The following SIDT2 variants were observed in gnomAD, a reference collection of about 807,000 sequenced individuals.
The protein encoded by SIDT2 is SID1 transmembrane family, member 2.
SIDT2 carries 68 observed loss-of-function variants against 114.4 expected under a neutral mutation model. The observed-to-expected ratio is 0.59, with a 90% CI of 0.49 to 0.73. The LOEUF (loss-of-function observed/expected upper bound fraction) is 0.73, where lower values mean the gene tolerates loss of function less well. Ranked by LOEUF, SIDT2 falls within the 30% of genes least tolerant of loss-of-function variation. The probability of loss-of-function intolerance (pLI) is 0.00; values close to 1 mark genes in which losing one functional copy is unlikely to be tolerated. For missense variants in SIDT2, 918 were observed against 1,097.1 expected (o/e 0.84, Z 2.31); for synonymous variants, 470 against 438.4 (o/e 1.07, Z -0.90).
At chr11:117,189,052 C>T in intron 13 of SIDT2, 117 bp from the exon 14 acceptor site, 1 of 1,144,954 alleles carries the variant, frequency 8.7e-7, no homozygotes, top group South Asian at 1.3e-5. Context: ...TGTCCTTGAA[C>T]CCTGCCCCCC....
rs766190699 is a variant in SIDT2, at chr11:117,181,815, G to T, written c.314G>T (p.Arg105Leu). 2 of 1,614,174 alleles carry T rather than the reference G, an allele frequency of 1.2e-6. No homozygotes were observed. Among genetic ancestry groups the T allele is most frequent in the South Asian group, 2.2e-5 (2 of 91,082 alleles). The change falls in exon 3 of 26, where the codon CGC becomes CTC. Residue 105 changes from arginine to leucine, a missense_variant. Around this residue, in one of 4 missense-constraint regions of SIDT2, gnomAD observed 553 missense variants for 600.1 expected, o/e 0.92. Coordinates refer to ENST00000324225, the MANE Select transcript of SIDT2 (RefSeq NM_001040455.2). ...VPLILRGMFQRKYLYQKVERT... is the reference protein window; with the variant it reads ...VPLILRGMFQLKYLYQKVERT... The stretch of plus-strand genomic sequence containing the variant: ...CCTGCTTCGGGCCATAGGTTTCAGC[G>T]CAAGTACCTCTACCAAAAAGTGGAA...
rs371862655 is a variant in SIDT2, at chr11:117,191,827, C to T, written c.1736-51C>T. ...GATTGTTGGGGCCAGGAGTTCTCTG[C>T]TGGGGCTTGGTGGCCATTTCTGCAG... On this transcript the variant is annotated intron_variant, in intron 18 of 25. Coordinates refer to ENST00000324225, the MANE Select transcript of SIDT2 (RefSeq NM_001040455.2). 16 of 1,599,440 alleles carry T rather than the reference C, an allele frequency of 1.0e-5. No homozygotes were observed. In the African/African-American group the frequency reaches 2.1e-4, roughly 21 times the overall value.
At position 117,186,229 on chromosome 11, in the gene SIDT2, G is replaced by T; in HGVS notation, c.962+6G>T. On this transcript the variant is annotated splice_donor_region_variant and intron_variant, in intron 9 of 25. Coordinates refer to ENST00000324225, the MANE Select transcript of SIDT2 (RefSeq NM_001040455.2). ...GCCTGCTGGGAGAACTGGAGGTAAA[G>T]TGGAACTGCTGGGCCTCCCCTGGTC... is the stretch of plus-strand genomic sequence containing the variant. 3.7e-6 allele frequency: 6 copies of T among 1,613,912 alleles called. No homozygotes were observed. The highest frequency in any genetic ancestry group is 5.1e-6 in the Non-Finnish European group (6 of 1,179,822).
In SIDT2 at chr11:117,190,777, A is replaced by G; in HGVS notation, c.1735+37A>G. 6.6e-7 allele frequency: 1 copy of G among 1,526,280 alleles called. No individual in the cohort carries two copies. Among genetic ancestry groups the G allele is most frequent in the Non-Finnish European group, 9.1e-7 (1 of 1,100,070 alleles). The allele number at this position is 1,526,280 out of a possible 1,614,324, so 94.5% of individuals were successfully genotyped here. On this transcript the variant is annotated intron_variant, in intron 18 of 25. Coordinates refer to ENST00000324225, the MANE Select transcript of SIDT2 (RefSeq NM_001040455.2). The surrounding 1 kb of genome is among the most constrained non-coding windows in gnomAD (Gnocchi z 4.1). ...GTCCTTCTTTTCTGGCTCAACCTAC[A>G]GCAGGGACCTGCCTGAGTCCTTCAC...
intron 6 of SIDT2, 91 bp downstream of exon 6, chr11:117,182,897 C>T: frequency 3.7e-6 from 5 of 1,365,638 alleles, no homozygotes; most frequent in Non-Finnish European, 3.0e-6. Flanking sequence ...CTGCCCATTC[C>T]TATCCTACAC....
intron 8 of SIDT2, 64 bp downstream of exon 8, chr11:117,184,203 G>C: frequency 6.6e-7 from 1 of 1,519,484 alleles, no homozygotes; most frequent in South Asian, 1.1e-5. Flanking sequence ...TTCAGACCTG[G>C]GATATAGGGT....
In SIDT2 at chr11:117,196,165, C is replaced by T; in HGVS notation, c.*99C>T. ...GCTGTGGGGATGAGTCCCAGCACCG[C>T]TGCCCAGCACTGGATGGCAGCAGGA... On this transcript the variant is annotated 3_prime_UTR_variant, in exon 26 of 26. Coordinates refer to ENST00000324225, the MANE Select transcript of SIDT2 (RefSeq NM_001040455.2). The surrounding 1 kb of genome is among the most constrained non-coding windows in gnomAD (Gnocchi z 4.9). The T allele has an allele frequency of 6.7e-7, 1 of 1,491,220 alleles. No individual in the cohort carries two copies. Among genetic ancestry groups the T allele is most frequent in the Non-Finnish European group, 9.2e-7 (1 of 1,086,712 alleles). 92.4% of individuals were successfully genotyped at this position (1,491,220 alleles called of 1,614,324 possible). A position where few individuals can be genotyped will look rare whatever the true frequency, so the allele number is the denominator to read the frequency against.
At chr11:117,183,756 T>C (rs747001905) in intron 6 of SIDT2, 23 bp from the exon 7 acceptor site, 1 of 1,494,086 alleles carries the variant, frequency 6.7e-7, no homozygotes, top group East Asian at 2.3e-5. Flanking sequence ...ATGAAGAAGA[T>C]ATTTATCATC....
chr11:117,187,870 T>C, intron 12 of SIDT2, 171 bp downstream of exon 12: 2 of 726,558 alleles, frequency 2.8e-6, no homozygotes, highest in Non-Finnish European at 4.9e-6. Flanking sequence ...AGTTCCCTGG[T>C]AACTTTCCCT....
chr11:117,189,115 G>A (rs1009321277), intron 13 of SIDT2, 54 bp from the exon 14 acceptor site: 2 of 1,569,422 alleles, frequency 1.3e-6, no homozygotes, highest in South Asian at 1.1e-5. Context: ...TAACCTGGGG[G>A]AGGGGGCTTC....
intron 10 of SIDT2, chr11:117,187,044 T>C: frequency 6.9e-7 from 1 of 1,450,992 alleles, no homozygotes; most frequent in Non-Finnish European, 9.1e-7. Flanking sequence ...GAGTCCAGAG[T>C]AGGGGAGGGA....
In SIDT2 at chr11:117,178,889, G is replaced by T; in HGVS notation, c.-375G>T. The T allele has an allele frequency of 4.8e-6, 1 of 206,882 alleles. No individual in the cohort carries two copies. The allele number at this position is 206,882 out of a possible 1,614,324, so 12.8% of individuals were successfully genotyped here. Reference sequence around the variant, plus strand: ...CCTTCCTCCGCGGCCAGCCCCCGCCGCCGGCTCTTCCTCCCTCCCCTTTCC... The same window carrying T: ...CCTTCCTCCGCGGCCAGCCCCCGCCTCCGGCTCTTCCTCCCTCCCCTTTCC... On this transcript the variant is annotated 5_prime_UTR_variant, in exon 1 of 26. Transcript: ENST00000324225.
Position 117,196,124 on chromosome 11 carries a change from C to G in SIDT2, c.*58C>G. The G allele has an allele frequency of 6.2e-7, 1 of 1,609,068 alleles. No individual in the cohort carries two copies. On this transcript the variant is annotated 3_prime_UTR_variant, in exon 26 of 26. Transcript: ENST00000324225. The surrounding 1 kb of genome is among the most constrained non-coding windows in gnomAD (Gnocchi z 4.9). ...GCCCTGAGCTCCTTTGTGTCATAGA[C>G]CGGTCACTCTGTCGTGCTGTGGGGA... is the stretch of plus-strand genomic sequence containing the variant.
At chr11:117,187,030 G>A (rs754583286) in intron 10 of SIDT2, 1 of 1,454,452 alleles carries the variant, frequency 6.9e-7, no homozygotes, top group Non-Finnish European at 9.1e-7. Flanking sequence ...GGGCAGAGGA[G>A]CTGGAGTCCA....
At chr11:117,194,051 A>G (rs1591772728) in intron 24 of SIDT2, 88 bp downstream of exon 24, 1 of 1,066,042 alleles carries the variant, frequency 9.4e-7, no homozygotes, top group East Asian at 2.5e-5. Flanking sequence ...ATTACCTGTA[A>G]TCCCAGCACT....
rs749420063 is a variant in SIDT2 at position 117,181,859 on chromosome 11, C to T, written c.358C>T (p.Pro120Ser). The T allele has an allele frequency of 3.1e-6, 5 of 1,614,068 alleles. No individual in the cohort carries two copies. Among genetic ancestry groups the T allele is most frequent in the Non-Finnish European group, 4.2e-6 (5 of 1,180,038 alleles). Residue 120 changes from proline (P) to serine (S), a missense_variant, in exon 3 of 26, where the codon CCC becomes TCC. Physicochemically the swap from Pro to Ser is moderately conservative, Grantham distance 74. Around this residue, in one of 4 missense-constraint regions of SIDT2, gnomAD observed 553 missense variants for 600.1 expected, o/e 0.92. Coordinates refer to ENST00000324225, the MANE Select transcript of SIDT2 (RefSeq NM_001040455.2). ...AGTGGAACGAACCCTGTGTCAGCCC[C>T]CCACCAAGAATGAGTCGGAGATTCA... ...QKVERTLCQPPTKNESEIQFF... is the reference protein window; with the variant it reads ...QKVERTLCQPSTKNESEIQFF...
Position 117,188,052 on chromosome 11 carries a change from C to A in SIDT2, c.1159+353C>A. On this transcript the variant is annotated intron_variant, in intron 12 of 25. Transcript: ENST00000324225. This position sits in a 1 kb window ranked among gnomAD's most constrained non-coding sequence, Gnocchi z 4.0. Reference sequence around the variant, plus strand: ...GGCCAGAAAGATTCTATGTGCATGGCTTCCCCATGTAATTCCAGTAATTGC... The same window carrying A: ...GGCCAGAAAGATTCTATGTGCATGGATTCCCCATGTAATTCCAGTAATTGC... The A allele has an allele frequency of 2.0e-6, 1 of 508,492 alleles. No individual in the cohort carries two copies. Among genetic ancestry groups the A allele is most frequent in the Admixed American group, 2.4e-5 (1 of 42,398 alleles). The allele number at this position is 508,492 out of a possible 1,614,324, so 31.5% of individuals were successfully genotyped here. A position where few individuals can be genotyped will look rare whatever the true frequency, so the allele number is the denominator to read the frequency against.
At position 117,188,797 on chromosome 11, in the gene SIDT2, G is replaced by A. The variant is rs1262556168; in HGVS notation, c.1249G>A (p.Asp417Asn). Residue 417 changes from aspartate to asparagine, a missense_variant, in exon 13 of 26, where the codon GAT becomes AAT. Physicochemically the swap from Asp to Asn is conservative, Grantham distance 23. Coordinates refer to ENST00000324225, the MANE Select transcript of SIDT2 (RefSeq NM_001040455.2). The surrounding 1 kb of genome is among the most constrained non-coding windows in gnomAD (Gnocchi z 4.0). ...TGACTACGACACATTGACCGACATC[G>A]ATTCCGACAAGAATGTCATTCGCAC... ...EDDYDTLTDI[D>N]SDKNVIRTKQ... 7 of 1,614,136 alleles carry A rather than the reference G, an allele frequency of 4.3e-6. No individual in the cohort carries two copies. Among genetic ancestry groups the A allele is most frequent in the South Asian group, 1.1e-5 (1 of 91,084 alleles).
intron 6 of SIDT2, among the ~76,000 whole-genome samples, 190 bp from the exon 7 acceptor site, chr11:117,183,589 G>C (rs1038877597): frequency 4.0e-5 from 6 of 151,318 alleles, no homozygotes; most frequent in Non-Finnish European, 7.4e-5. Flanking sequence ...AGTGAGCTGA[G>C]ATCATGCCAT....
Sources: allele counts gnomAD v4.1 joint callset (sites outside exome capture counted in the v4.1 genomes callset), GRCh38; gene constraint gnomAD v4.1.1; regional missense constraint gnomAD v4.1.1; non-coding constraint Gnocchi (gnomAD v3.1); transcripts MANE v1.5; gene names NCBI Gene and HGNC (gene_info 2026-07-23, HGNC 2026-07-21).